SPAG16: variants seen among roughly 807,000 people sequenced by gnomAD.
SPAG16 encodes sperm-associated antigen 16 protein.
Under a neutral mutation model 80.4 loss-of-function variants are expected in SPAG16, and 86 were observed. The ratio of observed to expected loss-of-function variants is 1.07; its 90% CI spans 0.90 to 1.28. The LOEUF is 1.28. Among genes scored for constraint, SPAG16 ranks in the 50% most tolerant of loss-of-function variants. The probability of loss-of-function intolerance (pLI) is 0.00; values close to 1 mark genes in which losing one functional copy is unlikely to be tolerated. For missense variants in SPAG16, 870 were observed against 765.3 expected (o/e 1.14, Z -1.61); for synonymous variants, 294 against 265.9 (o/e 1.11, Z -1.03).
At chr2:214,132,085 A>G (rs2054810890) in intron 14 of SPAG16, among the ~76,000 whole-genome samples, 1 of 152,208 alleles carries the variant, frequency 6.6e-6, no homozygotes, top group African/African-American at 2.4e-5. Flanking sequence ...AATTTTGCTC[A>G]GAACCTAAAC....
At chr2:214,001,224 T>C (rs987673189) in intron 12 of SPAG16, among the ~76,000 whole-genome samples, 1 of 152,252 alleles carries the variant, frequency 6.6e-6, no homozygotes, top group Non-Finnish European at 1.5e-5. Flanking sequence ...CCCAAGCATC[T>C]TTAAAGCTAA....
At chr2:214,029,945 CA>C (rs1291092515) in intron 13 of SPAG16, among the ~76,000 whole-genome samples, 1 of 151,930 alleles carries the variant, frequency 6.6e-6, no homozygotes, top group East Asian at 1.9e-4. Context: ...ATATATTCAC[CA>C]CCTCCAAAAG....
chr2:213,623,958 A>G (rs2061871055), intron 10 of SPAG16, among the ~76,000 whole-genome samples: 1 of 152,028 alleles, frequency 6.6e-6, no homozygotes, highest in South Asian at 2.1e-4. Flanking sequence ...TAACAATGTA[A>G]TAAATTAATT....
Position 214,042,651 on chromosome 2 carries a change from C to T in SPAG16, c.1527+28574C>T, listed in dbSNP as rs551242264. 2.2e-4 allele frequency among the ~76,000 whole-genome samples: 34 copies of T among 152,248 alleles called. 1 individual carries two copies. Among genetic ancestry groups the T allele is most frequent in the South Asian group, 1.0e-3 (5 of 4,830 alleles). On this transcript the variant is annotated intron_variant, in intron 13 of 15. Transcript: ENST00000331683. Reference sequence around the variant, plus strand: ...ATTGAAACTTTGGCGAAGATTTGAACATACTAAGTGAATGATGTCTTCACA... The same window carrying T: ...ATTGAAACTTTGGCGAAGATTTGAATATACTAAGTGAATGATGTCTTCACA...
chr2:213,731,072 T>A (rs1333656010), intron 10 of SPAG16, among the ~76,000 whole-genome samples: 7 of 152,102 alleles, frequency 4.6e-5, no homozygotes, highest in Admixed American at 2.0e-4. Context: ...TTTTCTAGTT[T>A]TCCACTAGAG....
At chr2:213,492,343 G>C (rs552083690) in intron 10 of SPAG16, among the ~76,000 whole-genome samples, 236 of 152,164 alleles carry the variant, frequency 1.6e-3, no homozygotes, top group Non-Finnish European at 2.7e-3. Context: ...CACTAGGTCA[G>C]ATTGAGACCA....
At chr2:213,406,584 A>T (rs929365935) in intron 9 of SPAG16, among the ~76,000 whole-genome samples, 1 of 152,204 alleles carries the variant, frequency 6.6e-6, no homozygotes, top group Non-Finnish European at 1.5e-5. Flanking sequence ...AATTCCCTCT[A>T]TTAGGATAAA....
intron 10 of SPAG16, among the ~76,000 whole-genome samples, chr2:213,562,850 A>G (rs564479513): frequency 7.2e-5 from 11 of 152,306 alleles, no homozygotes; most frequent in Admixed American, 2.6e-4. Context: ...AGATGGTGCT[A>G]TCTTTTCTCT....
At chr2:214,152,795 G>A (rs2056039769) in intron 15 of SPAG16, among the ~76,000 whole-genome samples, 1 of 152,204 alleles carries the variant, frequency 6.6e-6, no homozygotes, top group Admixed American at 6.5e-5. Context: ...CCACTGGACA[G>A]GGGGCCCTTC....
At position 214,372,238 on chromosome 2, in the gene SPAG16, G is replaced by A. The variant is rs183317974; in HGVS notation, c.1721-37902G>A. ...TAAATTTCATGCTGTATTATGTTTC[G>A]TCTCTATTATAGAAATTGTATAAAC... On this transcript the variant is annotated intron_variant, in intron 15 of 15. Transcript: ENST00000331683. 1.1e-3 allele frequency among the ~76,000 whole-genome samples: 162 copies of A among 152,120 alleles called. 1 individual carries two copies. Among genetic ancestry groups the A allele is most frequent in the Middle Eastern group, 3.4e-3 (1 of 294 alleles).
At chr2:213,399,060 TC>T (rs2068189245) in intron 9 of SPAG16, among the ~76,000 whole-genome samples, 3 of 152,142 alleles carry the variant, frequency 2.0e-5, no homozygotes, top group Non-Finnish European at 2.9e-5. Context: ...GTAAGTAGTA[TC>T]ATCTGTGAAA....
chr2:214,214,405 G>A (rs1233779235), intron 15 of SPAG16, among the ~76,000 whole-genome samples: 2 of 151,922 alleles, frequency 1.3e-5, no homozygotes, highest in African/African-American at 2.4e-5. Flanking sequence ...CCTGACTTCA[G>A]GTGATCTGCC....
intron 5 of SPAG16, among the ~76,000 whole-genome samples, chr2:213,338,869 G>C (rs1442189978): frequency 5.9e-5 from 9 of 152,096 alleles, no homozygotes; most frequent in African/African-American, 2.2e-4. Context: ...TCAGGGGGTG[G>C]AGTATGTGGT....
chr2:213,776,723 C>A (rs2069602129), intron 10 of SPAG16, among the ~76,000 whole-genome samples: 1 of 151,510 alleles, frequency 6.6e-6, no homozygotes, highest in Non-Finnish European at 1.5e-5. Context: ...GACTTTTTTA[C>A]AGACATTACT....
intron 10 of SPAG16, among the ~76,000 whole-genome samples, chr2:213,608,948 A>G (rs984465524): frequency 1.3e-5 from 2 of 152,174 alleles, no homozygotes; most frequent in African/African-American, 2.4e-5. Flanking sequence ...CTCCCAAAGT[A>G]CTGGGATTAC....
At chr2:214,166,191 A>G (rs2056647005) in intron 15 of SPAG16, among the ~76,000 whole-genome samples, 1 of 152,194 alleles carries the variant, frequency 6.6e-6, no homozygotes, top group Non-Finnish European at 1.5e-5. Flanking sequence ...TAACTTCACA[A>G]TAATCATCTA....
chr2:214,165,461 T>A (rs1242725054), intron 15 of SPAG16, among the ~76,000 whole-genome samples: 1 of 123,416 alleles, frequency 8.1e-6, no homozygotes, highest in Non-Finnish European at 1.6e-5. Context: ...ATGCTTTGCA[T>A]CACCATCCTT....
At chr2:213,302,442 T>C (rs1454896225) in intron 3 of SPAG16, 1 of 152,126 alleles carries the variant, frequency 6.6e-6, no homozygotes, top group African/African-American at 2.4e-5. Context: ...TGTATTATAA[T>C]GTTTTGTTTT....
At chr2:213,718,669 G>C (rs2066363942) in intron 10 of SPAG16, among the ~76,000 whole-genome samples, 1 of 152,174 alleles carries the variant, frequency 6.6e-6, no homozygotes, top group Non-Finnish European at 1.5e-5. Flanking sequence ...GAGTCCCCCA[G>C]CAGTGCTGGC....
Sources: gnomAD v4.1 joint callset for allele counts (sites outside exome capture counted in the v4.1 genomes callset) on GRCh38, gnomAD v4.1.1 for gene constraint, MANE v1.5 for transcripts, NCBI Gene and HGNC (gene_info 2026-07-23, HGNC 2026-07-21) for gene names.